DNAJC18: variants seen among roughly 807,000 people sequenced by gnomAD.
The protein encoded by DNAJC18 is DnaJ heat shock protein family (Hsp40) member C18.
A neutral mutation model predicts 48.6 loss-of-function variants in DNAJC18; 40 were observed. That is an observed-to-expected ratio of 0.82 (90% CI 0.64 to 1.07). DNAJC18 has a LOEUF of 1.07. DNAJC18 is among the 50% of genes least tolerant of loss of function. The pLI, the probability that DNAJC18 is intolerant of heterozygous loss-of-function variation, is 0.00. For synonymous variants in DNAJC18, 135 were observed against 152.2 expected (o/e 0.89, Z 0.83); for missense variants, 340 against 427.7 (o/e 0.79, Z 1.81).
Position 139,420,088 on chromosome 5 carries a change from T to A in DNAJC18, c.917A>T (p.Tyr306Phe). The A allele has an allele frequency of 6.3e-7, 1 of 1,598,600 alleles. No homozygotes were observed. The highest frequency in any genetic ancestry group is 8.5e-7 in the Non-Finnish European group (1 of 1,175,416). ...EKTIEKDYIDYIQTSCWKEKQ... is the reference protein window; with the variant it reads ...EKTIEKDYIDFIQTSCWKEKQ... ...CTCCTTCCAACAACTAGTCTGGATA[T>A]AATCAATGTAATCCTTCTCTATTGT... is the stretch of plus-strand genomic sequence containing the variant. Residue 306 changes from tyrosine to phenylalanine, a missense_variant, in exon 7 of 8, where the codon TAT becomes TTT. Tyr to Phe is a conservative substitution (Grantham distance 22). Transcript: ENST00000302060.
chr5:139,429,333 T>G (rs1759294993), intron 2 of DNAJC18, among the ~76,000 whole-genome samples: 1 of 152,088 alleles, frequency 6.6e-6, no homozygotes, highest in African/African-American at 2.4e-5. Context: ...CTGCCCACCT[T>G]GGCCTCCCAA....
intron 7 of DNAJC18, 75 bp downstream of exon 7, chr5:139,419,978 A>G: frequency 7.3e-7 from 1 of 1,376,252 alleles, no homozygotes; most frequent in Non-Finnish European, 9.7e-7. Flanking sequence ...AGAAGAGAGG[A>G]GGGATCAGGA....
chr5:139,439,072 C>T lies in DNAJC18; in HGVS notation c.40+334G>A, dbSNP rs1750738647. On this transcript the variant is annotated intron_variant, in intron 1 of 7. Transcript: ENST00000302060. This position sits in a 1 kb window ranked among gnomAD's most constrained non-coding sequence, Gnocchi z 4.1. ...GCCCAGTTAGGCGAAAGATAAGGGC[C>T]AGGTTAGCAAGCTGCGGAGAGACCG... Among the ~76,000 whole-genome samples the T allele has an allele frequency of 6.6e-6, 1 of 152,118 alleles. No homozygotes were observed. Among genetic ancestry groups the T allele is most frequent in the South Asian group, 2.1e-4 (1 of 4,830 alleles).
At chr5:139,428,422 G>A in intron 3 of DNAJC18, 116 bp downstream of exon 3, 6 of 1,335,712 alleles carry the variant, frequency 4.5e-6, no homozygotes, top group Non-Finnish European at 5.1e-6. Context: ...AAGAGGTGTG[G>A]CAGGGGGAAA....
intron 2 of DNAJC18, among the ~76,000 whole-genome samples, chr5:139,435,451 CATTG>C (rs1750621686): frequency 6.6e-6 from 1 of 152,076 alleles, no homozygotes; most frequent in African/African-American, 2.4e-5. Flanking sequence ...TGGTATGTTA[CATTG>C]ATTGACTTGT....
At chr5:139,436,550 G>T in intron 2 of DNAJC18, among the ~76,000 whole-genome samples, 1 of 120,462 alleles carries the variant, frequency 8.3e-6, no homozygotes. Flanking sequence ...GAGAGACAGG[G>T]TCTTGCTCTG....
chr5:139,437,895 C>T (rs1354671206), intron 1 of DNAJC18, among the ~76,000 whole-genome samples: 1 of 152,134 alleles, frequency 6.6e-6, no homozygotes, highest in Admixed American at 6.5e-5. Flanking sequence ...ATCAAGAGGG[C>T]GGATGGGTAA....
At position 139,437,364 on chromosome 5, in the gene DNAJC18, A is replaced by G. The variant is rs1750691309; in HGVS notation, c.227+8T>C. ...AAAATCACTCATTTAATCTCACCAC[A>G]TGCTCACCTTTGTACCCCAAGCAGC... is the stretch of plus-strand genomic sequence containing the variant. On this transcript the variant is annotated splice_region_variant and intron_variant, in intron 2 of 7. Transcript: ENST00000302060. 1 of 1,599,722 alleles carries G rather than the reference A, an allele frequency of 6.3e-7. No homozygotes were observed. Among genetic ancestry groups the G allele is most frequent in the East Asian group, 2.2e-5 (1 of 44,606 alleles).
rs375596055 is a variant in DNAJC18, at chr5:139,426,199, C to T, written c.532G>A (p.Val178Ile). ...GTAGGAAAATGTCCTCCAAAGAAGA[C>T]GTTGAACAGCTCTTCTGGAGTGATG... ...ADITPEELFN[V>I]FFGGHFPTGN... The change falls in exon 4 of 8, where the codon GTC (valine) becomes ATC (isoleucine). Residue 178 changes from valine (V) to isoleucine (I), a missense_variant. Transcript: ENST00000302060. 1.7e-5 allele frequency: 28 copies of T among 1,614,138 alleles called. No individual in the cohort carries two copies. The East Asian group carries it at 3.6e-4, about 21-fold the overall frequency.
chr5:139,416,497 C>T (rs918502962), intron 7 of DNAJC18, among the ~76,000 whole-genome samples: 1 of 152,242 alleles, frequency 6.6e-6, no homozygotes, highest in Non-Finnish European at 1.5e-5. Flanking sequence ...GGTGCTACAT[C>T]CAGTCTACAG....
Position 139,439,330 on chromosome 5 carries a change from T to G in DNAJC18, c.40+76A>C, listed in dbSNP as rs1245882918. The G allele has an allele frequency of 6.2e-7, 1 of 1,607,578 alleles. No individual in the cohort carries two copies. Among genetic ancestry groups the G allele is most frequent in the African/African-American group, 1.3e-5 (1 of 74,812 alleles). ...ACCTCAGACCCAGGATCTCAGCCCTTGTGCGTCTTCAGGATCCTCATCCCT... is the reference window on the plus strand; with the variant it reads ...ACCTCAGACCCAGGATCTCAGCCCTGGTGCGTCTTCAGGATCCTCATCCCT... On this transcript the variant is annotated intron_variant, in intron 1 of 7. Transcript: ENST00000302060. This position sits in a 1 kb window ranked among gnomAD's most constrained non-coding sequence, Gnocchi z 4.1.
intron 2 of DNAJC18, among the ~76,000 whole-genome samples, chr5:139,435,577 C>A (rs1033925100): frequency 1.3e-5 from 2 of 151,846 alleles, no homozygotes; most frequent in Non-Finnish European, 2.9e-5. Context: ...ATTTTAAAAT[C>A]TATATCCATA....
At chr5:139,428,753 C>T (rs1342350154) in intron 2 of DNAJC18, 70 bp from the exon 3 acceptor site, 4 of 1,508,250 alleles carry the variant, frequency 2.7e-6, no homozygotes, top group East Asian at 2.3e-5. Flanking sequence ...GATAATACAT[C>T]GATCCTACCT....
Position 139,414,085 on chromosome 5 carries a change from G to T in DNAJC18, c.*63C>A, listed in dbSNP as rs745411844. The T allele has an allele frequency of 1.3e-5, 21 of 1,572,010 alleles. No homozygotes were observed. Among genetic ancestry groups the T allele is most frequent in the Non-Finnish European group, 1.6e-5 (19 of 1,163,314 alleles). On this transcript the variant is annotated 3_prime_UTR_variant, in exon 8 of 8. Coordinates refer to ENST00000302060, the MANE Select transcript of DNAJC18 (RefSeq NM_152686.4). Reference sequence around the variant, plus strand: ...TTACCTAGTTTTGTATTATAAAATGGAATCAGGAACATAAATAGGAACAAG... The same window carrying T: ...TTACCTAGTTTTGTATTATAAAATGTAATCAGGAACATAAATAGGAACAAG...
intron 2 of DNAJC18, among the ~76,000 whole-genome samples, chr5:139,431,508 T>C (rs1759328926): frequency 6.6e-6 from 1 of 152,232 alleles, no homozygotes; most frequent in African/African-American, 2.4e-5. Flanking sequence ...TTTTCAAGGT[T>C]CATCCATGTT....
chr5:139,420,070 C>T lies in DNAJC18; in HGVS notation c.935G>A (p.Trp312Ter). The change falls in exon 7 of 8, where the codon TGG becomes TAG. Residue 312 changes from tryptophan (W) to a stop codon, truncating the protein, a stop_gained. Coordinates refer to ENST00000302060, the MANE Select transcript of DNAJC18 (RefSeq NM_152686.4). LOFTEE classifies it high-confidence loss of function. Reference sequence around the variant, plus strand: ...TATCTTACTTTGTTGTTTCTCCTTCCAACAACTAGTCTGGATATAATCAAT... The same window carrying T: ...TATCTTACTTTGTTGTTTCTCCTTCTAACAACTAGTCTGGATATAATCAAT... Reference protein sequence around the residue: ...DYIDYIQTSCWKEKQQKSELT... With the variant: ...DYIDYIQTSC The T allele has an allele frequency of 1.3e-6, 2 of 1,572,386 alleles. No individual in the cohort carries two copies. The highest frequency in any genetic ancestry group is 1.7e-6 in the Non-Finnish European group (2 of 1,164,802).
At chr5:139,435,225 C>T (rs1185393651) in intron 2 of DNAJC18, among the ~76,000 whole-genome samples, 1 of 151,994 alleles carries the variant, frequency 6.6e-6, no homozygotes, top group East Asian at 1.9e-4. Context: ...TGGTGGTGCG[C>T]GTCTGTAGTC....
At chr5:139,423,822 A>G (rs1759193357) in intron 5 of DNAJC18, among the ~76,000 whole-genome samples, 1 of 152,148 alleles carries the variant, frequency 6.6e-6, no homozygotes, top group Non-Finnish European at 1.5e-5. Context: ...TACTCAATCT[A>G]TACCAAATAA....
chr5:139,429,625 TA>T (rs577991882), intron 2 of DNAJC18, among the ~76,000 whole-genome samples: 7 of 151,628 alleles, frequency 4.6e-5, no homozygotes, highest in East Asian at 1.9e-4. Context: ...CATCTTGCTT[TA>T]AAAAAAAATT....
Sources: allele counts gnomAD v4.1 joint callset (sites outside exome capture counted in the v4.1 genomes callset), GRCh38; gene constraint gnomAD v4.1.1; non-coding constraint Gnocchi (gnomAD v3.1); transcripts MANE v1.5; gene names NCBI Gene and HGNC (gene_info 2026-07-23, HGNC 2026-07-21).